ZNF678: variants seen among roughly 807,000 people sequenced by gnomAD.
ZNF678 encodes hypothetical protein MGC42493.
Under a neutral mutation model 3.0 loss-of-function variants are expected in ZNF678, and 5 were observed. The observed-to-expected ratio is 1.69, with a 90% CI of 0.88 to 3.56. The LOEUF is 3.56. Among genes scored for constraint, ZNF678 ranks in the 30% most tolerant of loss-of-function variants. The probability of loss-of-function intolerance (pLI) is 0.00; values close to 1 mark genes in which losing one functional copy is unlikely to be tolerated. For missense variants in ZNF678, 593 were observed against 605.0 expected (o/e 0.98, Z 0.21); for synonymous variants, 218 against 199.6 (o/e 1.09, Z -0.78).
At chr1:227,593,313 A>G (rs1013040046) in intron 1 of ZNF678, among the ~76,000 whole-genome samples, 2 of 152,236 alleles carry the variant, frequency 1.3e-5, no homozygotes, top group African/African-American at 4.8e-5. Context: ...GCATCTTGGT[A>G]TCCTGTCTTT....
chr1:227,615,555 A>G (rs1189986414), intron 1 of ZNF678, among the ~76,000 whole-genome samples: 2 of 152,166 alleles, frequency 1.3e-5, no homozygotes, highest in Non-Finnish European at 1.5e-5. Flanking sequence ...GCCATTGCTC[A>G]CAGTCAAGCA....
intron 1 of ZNF678, among the ~76,000 whole-genome samples, chr1:227,599,399 C>A (rs1176819858): frequency 2.0e-5 from 3 of 152,132 alleles, no homozygotes; most frequent in Non-Finnish European, 4.4e-5. Context: ...CTGCCGCCTC[C>A]CCTATAATTT....
At chr1:227,598,210 C>G (rs1206925927) in intron 1 of ZNF678, among the ~76,000 whole-genome samples, 2 of 152,174 alleles carry the variant, frequency 1.3e-5, no homozygotes, top group South Asian at 2.1e-4. Context: ...CCAGAATTAT[C>G]AAGCACTGGA....
rs1658995615 is a variant in ZNF678 at position 227,647,869 on chromosome 1, G to A, written c.-37+1199G>A. ...TTTTACACAATTTAATTCTCTTTTT[G>A]CATCTTGTCTGAAATTTGCAAGAGT... On this transcript the variant is annotated intron_variant, in intron 2 of 3. Transcript: ENST00000343776. Among the ~76,000 whole-genome samples, 3 of 151,904 alleles carry A rather than the reference G, an allele frequency of 2.0e-5. No homozygotes were observed. The South Asian group carries it at 6.2e-4, about 32-fold the overall frequency.
At chr1:227,674,236 G>A (rs933137246) in intron 5 of ZNF678, among the ~76,000 whole-genome samples, 8 of 152,194 alleles carry the variant, frequency 5.3e-5, no homozygotes, top group African/African-American at 7.2e-5. Flanking sequence ...AATGGTAATT[G>A]ATACGTAAGT....
chr1:227,649,606 TC>T (rs1423030021), intron 2 of ZNF678, among the ~76,000 whole-genome samples: 2 of 152,202 alleles, frequency 1.3e-5, no homozygotes, highest in Non-Finnish European at 2.9e-5. Context: ...CACCTCAGCC[TC>T]CCAAAGTGCT....
Position 227,582,391 on chromosome 1 carries a change from G to A in ZNF678, c.-164+18667G>A, listed in dbSNP as rs114791570. On this transcript the variant is annotated intron_variant, in intron 1 of 3. Coordinates refer to ENST00000343776, the MANE Select transcript of ZNF678 (RefSeq NM_001367909.1). The stretch of plus-strand genomic sequence containing the variant: ...TGCATTGACATTGTCATAGCTGACT[G>A]TAGCCGCAAACTTCTGGACTTAAGC... The A allele has an allele frequency of 4.1e-3, 621 of 153,028 alleles. 6 individuals are homozygous for A. The highest frequency in any genetic ancestry group is 0.014 in the African/African-American group (590 of 41,438). The allele number at this position is 153,028 out of a possible 1,614,324, so 9.5% of individuals were successfully genotyped here.
intron 1 of ZNF678, among the ~76,000 whole-genome samples, chr1:227,617,886 G>C (rs1032016711): frequency 1.3e-5 from 2 of 152,146 alleles, no homozygotes; most frequent in African/African-American, 4.8e-5. Context: ...CCATTTTGTG[G>C]ATACTGGTCA....
At chr1:227,574,171 T>A (rs963538070) in intron 1 of ZNF678, among the ~76,000 whole-genome samples, 9 of 152,206 alleles carry the variant, frequency 5.9e-5, no homozygotes, top group African/African-American at 2.2e-4. Context: ...TGATTTATAT[T>A]CCTTCAGGTA....
intron 5 of ZNF678, among the ~76,000 whole-genome samples, chr1:227,667,596 T>C (rs1446820420): frequency 6.6e-6 from 1 of 152,218 alleles, no homozygotes; most frequent in Admixed American, 6.5e-5. Flanking sequence ...GGAATGTTGA[T>C]AGCTGTTTTC....
intron 1 of ZNF678, among the ~76,000 whole-genome samples, chr1:227,632,317 G>C (rs1397693842): frequency 3.9e-5 from 6 of 152,138 alleles, no homozygotes; most frequent in African/African-American, 1.4e-4. Context: ...TTAGTACCTA[G>C]GAGGCAGGGG....
chr1:227,629,267 G>A (rs758402290), intron 1 of ZNF678, among the ~76,000 whole-genome samples: 1 of 152,256 alleles, frequency 6.6e-6, no homozygotes. Flanking sequence ...TTCTTTACTC[G>A]TCCATATTGT....
At chr1:227,663,189 G>GA (rs1167193165), downstream of ZNF678, among the ~76,000 whole-genome samples, 1 of 152,162 alleles carries the variant, frequency 6.6e-6, no homozygotes, top group Non-Finnish European at 1.5e-5. Flanking sequence ...AAAATTGTGA[G>GA]AAAAAATATC....
At chr1:227,586,652 T>G (rs1204638735) in intron 1 of ZNF678, among the ~76,000 whole-genome samples, 1 of 152,230 alleles carries the variant, frequency 6.6e-6, no homozygotes, top group Non-Finnish European at 1.5e-5. Flanking sequence ...TTTCAAAATC[T>G]CTGATTATCA....
chr1:227,654,989 AAC>A lies in ZNF678; in HGVS notation c.741_742del (p.Asn247LysfsTer9). 6.2e-7 allele frequency: 1 copy of A among 1,612,336 alleles called. No homozygotes were observed. Among genetic ancestry groups the A allele is most frequent in the Non-Finnish European group, 8.5e-7 (1 of 1,179,398 alleles). ...ATGCAAAGAATGTTGCAAAGCCTTT[AAC>A]AAGTTCTCAAACCTTACTCAACATA... The part of the protein sequence containing the change: ...YKCKECCKAF[N>X]KFSNLTQHKR... On this transcript the variant is annotated frameshift_variant, in exon 4 of 4. Transcript: ENST00000343776. LOFTEE classifies it low-confidence loss of function (END_TRUNC).
intron 1 of ZNF678, among the ~76,000 whole-genome samples, chr1:227,633,945 A>G (rs1267937795): frequency 6.6e-6 from 1 of 152,208 alleles, no homozygotes; most frequent in Admixed American, 6.5e-5. Context: ...TTCACAGCTC[A>G]TGTCTCCAAA....
Position 227,655,552 on chromosome 1 carries a change from A to C in ZNF678, c.1302A>C (p.Lys434Asn), listed in dbSNP as rs752177757. Reference protein sequence around the residue: ...KRIHTGEKPYKCKECGKAFYQ... With the variant: ...KRIHTGEKPYNCKECGKAFYQ... ...TTCATACTGGAGAGAAACCCTACAA[A>C]TGTAAAGAATGTGGCAAAGCTTTTT... Residue 434 changes from lysine to asparagine, a missense_variant, in exon 4 of 4, where the codon AAA (lysine) becomes AAC (asparagine). Coordinates refer to ENST00000343776, the MANE Select transcript of ZNF678 (RefSeq NM_001367909.1). The C allele has an allele frequency of 1.2e-6, 2 of 1,612,590 alleles. No homozygotes were observed. The highest frequency in any genetic ancestry group is 1.7e-6 in the Non-Finnish European group (2 of 1,179,306).
chr1:227,591,961 G>A (rs755694390), intron 1 of ZNF678, among the ~76,000 whole-genome samples: 6 of 152,130 alleles, frequency 3.9e-5, no homozygotes, highest in Non-Finnish European at 8.8e-5. Flanking sequence ...GTCAGTTTCC[G>A]CGTGTGACTG....
chr1:227,640,675 C>T (rs1658798034), intron 1 of ZNF678, among the ~76,000 whole-genome samples: 1 of 152,176 alleles, frequency 6.6e-6, no homozygotes, highest in Admixed American at 6.5e-5. Context: ...CTAATTCGTA[C>T]TGCGGCCAGG....
Sources: allele counts gnomAD v4.1 joint callset (sites outside exome capture counted in the v4.1 genomes callset), GRCh38; gene constraint gnomAD v4.1.1; transcripts MANE v1.5; gene names NCBI Gene and HGNC (gene_info 2026-07-23, HGNC 2026-07-21).